The following FRMPD1 variants were observed in gnomAD, a reference collection of about 807,000 sequenced individuals.
The protein encoded by FRMPD1 is FERM and PDZ domain containing 1, also known as FERM and PDZ domain-containing protein 1.
FRMPD1 carries 76 observed loss-of-function variants against 117.8 expected under a neutral mutation model. That is an observed-to-expected ratio of 0.65 (90% CI 0.54 to 0.78). The LOEUF is 0.78. Ranked by LOEUF, FRMPD1 falls within the 30% of genes least tolerant of loss-of-function variation. The pLI, the probability that FRMPD1 is intolerant of heterozygous loss-of-function variation, is 0.00. For synonymous variants in FRMPD1, 783 were observed against 770.4 expected (o/e 1.02, Z -0.27); for missense variants, 1,786 against 1,964.5 (o/e 0.91, Z 1.72).
intron 15 of FRMPD1, among the ~76,000 whole-genome samples, chr9:37,743,286 A>G (rs181969352): frequency 6.6e-6 from 1 of 152,326 alleles, no homozygotes; most frequent in East Asian, 1.9e-4. Context: ...GTGCTTTATA[A>G]AAATGCACTA....
chr9:37,719,051 C>T lies in FRMPD1; in HGVS notation c.409-18C>T. The T allele has an allele frequency of 6.9e-7, 1 of 1,458,728 alleles. No individual in the cohort carries two copies. The highest frequency in any genetic ancestry group is 1.1e-5 in the South Asian group (1 of 87,876). The allele number at this position is 1,458,728 out of a possible 1,614,324, so 90.4% of individuals were successfully genotyped here. A position where few individuals can be genotyped will look rare whatever the true frequency, so the allele number is the denominator to read the frequency against. ...ATGAAAGCACTGTTCCAAAATGCAT[C>T]ATGTTACTGTTTTTCAGGGAGTCCC... On this transcript the variant is annotated intron_variant, in intron 5 of 15. Transcript: ENST00000377765.
At chr9:37,617,769 C>T in the FRMPD1 span, among the ~76,000 whole-genome samples, 4 of 152,186 alleles carry the variant, frequency 2.6e-5, no homozygotes, top group African/African-American at 9.7e-5. Flanking sequence ...ATTCTTGTGT[C>T]ACACTCTGGG....
the FRMPD1 span, among the ~76,000 whole-genome samples, chr9:37,620,068 G>A: frequency 2.6e-5 from 4 of 152,140 alleles, no homozygotes; most frequent in African/African-American, 4.8e-5. Context: ...GAGGGTCACC[G>A]TGATCGCTAA....
the FRMPD1 span, chr9:37,637,318 C>A: frequency 6.2e-6 from 7 of 1,131,926 alleles, no homozygotes; most frequent in African/African-American, 3.0e-5. Flanking sequence ...CCCGCTCAGT[C>A]GCTCCCAGTC....
the FRMPD1 span, among the ~76,000 whole-genome samples, chr9:37,623,916 C>T: frequency 0.75 from 114,041 of 152,142 alleles, 44,121 homozygotes; most frequent in Non-Finnish European, 0.85. Flanking sequence ...ACATTTTAGG[C>T]TCACTACGTT....
chr9:37,739,520 C>G (rs1348747621), intron 14 of FRMPD1, among the ~76,000 whole-genome samples: 2 of 152,138 alleles, frequency 1.3e-5, no homozygotes, highest in African/African-American at 2.4e-5. Flanking sequence ...CCTACAAAGC[C>G]CATAGCACCC....
rs140396780 is a variant in FRMPD1, at chr9:37,744,873, G to A, written c.2841G>A (p.Arg947=). 8 of 1,614,130 alleles carry A rather than the reference G, an allele frequency of 5.0e-6. No homozygotes were observed. In the South Asian group the frequency reaches 5.5e-5, roughly 11 times the overall value. Residue 947 remains arginine, a synonymous_variant, in exon 16 of 16, where the codon CGG becomes CGA. Coordinates refer to ENST00000377765, the MANE Select transcript of FRMPD1 (RefSeq NM_014907.3). ...CTTCTATTTCTGCCATTCGCTTCCG[G>A]ATTGACCCCAACAATAAAGAGAATT... ...RVSSISAIRF[R]IDPNNKENSG...
At chr9:37,627,144 T>G in the FRMPD1 span, among the ~76,000 whole-genome samples, 1 of 151,952 alleles carries the variant, frequency 6.6e-6, no homozygotes, top group East Asian at 1.9e-4. Flanking sequence ...TGCTCCACTC[T>G]TTCAGCTCCA....
chr9:37,638,041 T>TCTTCCTTTCTTCCTTCCTTCCTTCCTTC, the FRMPD1 span, among the ~76,000 whole-genome samples: 14 of 146,564 alleles, frequency 9.6e-5, no homozygotes, highest in African/African-American at 3.5e-4. Context: ...TTTCTTCCTT[T>TCTTCCTTTCTTCCTTCCTTCCTTCCTTC]CTTTCTTTCC....
intron 1 of FRMPD1, among the ~76,000 whole-genome samples, chr9:37,690,743 A>G (rs1302752438): frequency 2.6e-5 from 4 of 152,182 alleles, no homozygotes; most frequent in African/African-American, 9.7e-5. Context: ...AATATCACAG[A>G]CTGGGTAATT....
Position 37,744,734 on chromosome 9 carries a change from C to A in FRMPD1, c.2702C>A (p.Ala901Asp). Residue 901 changes from alanine to aspartate, a missense_variant, in exon 16 of 16, where the codon GCC becomes GAC. By Grantham distance (126) the Ala-to-Asp change is moderately radical. Coordinates refer to ENST00000377765, the MANE Select transcript of FRMPD1 (RefSeq NM_014907.3). ...GAGCCTGGCCTTCTGGAGACCAAGG[C>A]CTTGGGGCTGCTGGCTCCTCTGAGG... ...QGEPGLLETK[A>D]LGLLAPLRET... 1.9e-6 allele frequency: 3 copies of A among 1,614,008 alleles called. No individual in the cohort carries two copies. In the South Asian group the frequency reaches 3.3e-5, roughly 18 times the overall value.
At chr9:37,715,618 T>C (rs1346127045) in intron 5 of FRMPD1, 2 of 456,244 alleles carry the variant, frequency 4.4e-6, no homozygotes, top group Non-Finnish European at 8.8e-6. Flanking sequence ...TTAGAAGTTC[T>C]AGAATAATGA....
intron 2 of FRMPD1, among the ~76,000 whole-genome samples, chr9:37,705,682 C>A (rs72724128): frequency 0.14 from 21,165 of 151,338 alleles, 1,668 homozygotes; most frequent in Middle Eastern, 0.19. Flanking sequence ...ATGTTTTTTA[C>A]AAAATCAGGA....
intron 1 of FRMPD1, among the ~76,000 whole-genome samples, chr9:37,691,421 A>G (rs1023140411): frequency 3.3e-5 from 5 of 152,254 alleles, no homozygotes; most frequent in Admixed American, 3.3e-4. Context: ...AAAAACTGGT[A>G]AAATTTGAAC....
At chr9:37,624,379 CAT>C in the FRMPD1 span, among the ~76,000 whole-genome samples, 1 of 152,216 alleles carries the variant, frequency 6.6e-6, no homozygotes, top group South Asian at 2.1e-4. Context: ...CAGAAATACA[CAT>C]GAGGGAGAGG....
the FRMPD1 span, among the ~76,000 whole-genome samples, chr9:37,640,879 G>GTTAT: frequency 3.4e-4 from 52 of 152,096 alleles, no homozygotes; most frequent in Non-Finnish European, 7.2e-4. Context: ...AAGTCACCAT[G>GTTAT]TTATTTATTT....
the FRMPD1 span, among the ~76,000 whole-genome samples, chr9:37,606,168 A>T: frequency 1.3e-5 from 2 of 152,332 alleles, no homozygotes; most frequent in African/African-American, 4.8e-5. Context: ...TCTGTAATTA[A>T]AATGGCAGTA....
At chr9:37,673,722 TC>T in intron 1 of FRMPD1, among the ~76,000 whole-genome samples, 1 of 152,244 alleles carries the variant, frequency 6.6e-6, no homozygotes, top group Non-Finnish European at 1.5e-5. Flanking sequence ...ATTCTTGACT[TC>T]TGTGCACCTG....
intron 5 of FRMPD1, among the ~76,000 whole-genome samples, chr9:37,717,543 C>T (rs1471415095): frequency 6.6e-6 from 1 of 151,734 alleles, no homozygotes; most frequent in South Asian, 2.1e-4. Context: ...CCACGCTCGG[C>T]TAATTTTTGT....
Sources: gnomAD v4.1 joint callset for allele counts (sites outside exome capture counted in the v4.1 genomes callset) on GRCh38, gnomAD v4.1.1 for gene constraint, MANE v1.5 for transcripts, NCBI Gene and HGNC (gene_info 2026-07-23, HGNC 2026-07-21) for gene names.